Variants in TRPM4 observed in about 807,000 individuals in gnomAD.
TRPM4 encodes the protein transient receptor potential cation channel subfamily M member 4.
In TRPM4, 124 loss-of-function variants were observed where a neutral mutation model predicts 135.6. The observed-to-expected ratio is 0.91, with a 90% CI of 0.79 to 1.06. The LOEUF (loss-of-function observed/expected upper bound fraction) is 1.06. Among genes scored for constraint, TRPM4 ranks in the 50% least tolerant of loss-of-function variants. The pLI is 0.00. For missense variants in TRPM4, 1,658 were observed against 1,671.4 expected (o/e 0.99, Z 0.14); for synonymous variants, 745 against 705.6 (o/e 1.06, Z -0.88).
In TRPM4 at chr19:49,182,201, CATCT is replaced by C. The variant is rs1185296002; in HGVS notation, c.1264-375_1264-372del. ...CTATCCATTCATCCATACATCCATCCATCTACCTATCCATTCATCCATCCATCCA... is the reference window on the plus strand; with the variant it reads ...CTATCCATTCATCCATACATCCATCCACCTATCCATTCATCCATCCATCCA... On this transcript the variant is annotated intron_variant, in intron 10 of 24. Transcript: ENST00000252826. Among the ~76,000 whole-genome samples the C allele has an allele frequency of 7.1e-5, 5 of 70,518 alleles. 1 individual carries two copies. Among genetic ancestry groups the C allele is most frequent in the South Asian group, 1.1e-3 (2 of 1,774 alleles). 46.3% of individuals were successfully genotyped at this position (70,518 alleles called of 152,430 possible).
intron 9 of TRPM4, among the ~76,000 whole-genome samples, chr19:49,179,984 G>C (rs923577125): frequency 6.6e-6 from 1 of 152,176 alleles, no homozygotes; most frequent in African/African-American, 2.4e-5. Context: ...GGCTCCCAAG[G>C]TTCAATGGCT....
In TRPM4 at chr19:49,196,855, C is replaced by T. The variant is rs748564289; in HGVS notation, c.2626C>T (p.Leu876Phe). The stretch of plus-strand genomic sequence containing the variant: ...CGACCTAGTGGCTCTCACCTGCTTC[C>T]TCCTGGGCGTGGGCTGCCGGTGAGT... ...QCDLVALTCF[L>F]LGVGCRLTPG... is the part of the protein sequence containing the mutation. Residue 876 changes from leucine (L) to phenylalanine (F), a missense_variant, in exon 17 of 25, where the codon CTC becomes TTC. By Grantham distance (22) the Leu-to-Phe change is conservative. Around this residue, in one of 3 missense-constraint regions of TRPM4, gnomAD observed 1,412 missense variants for 1,408.7 expected, o/e 1.00. Transcript: ENST00000252826. 6.3e-7 allele frequency: 1 copy of T among 1,585,862 alleles called. No individual in the cohort carries two copies.
intron 20 of TRPM4, among the ~76,000 whole-genome samples, chr19:49,205,321 T>C (rs1969107552): frequency 6.6e-6 from 1 of 152,158 alleles, no homozygotes; most frequent in Non-Finnish European, 1.5e-5. Context: ...CTTTGGCTTC[T>C]AGTTGCGTCA....
At chr19:49,199,113 T>C (rs529455586) in intron 17 of TRPM4, among the ~76,000 whole-genome samples, 1 of 151,160 alleles carries the variant, frequency 6.6e-6, no homozygotes, top group South Asian at 2.1e-4. Flanking sequence ...TCAATTTAAC[T>C]GAAAAAAAAT....
intron 16 of TRPM4, among the ~76,000 whole-genome samples, chr19:49,193,229 C>T (rs537338534): frequency 7.2e-4 from 109 of 151,824 alleles, no homozygotes; most frequent in Middle Eastern, 3.4e-3. Context: ...TACAGGTGCC[C>T]GCCACCACGC....
In TRPM4 at chr19:49,196,841, C is replaced by T. The variant is rs1968672635; in HGVS notation, c.2612C>T (p.Ala871Val). The T allele has an allele frequency of 6.3e-7, 1 of 1,589,934 alleles. No homozygotes were observed. Among genetic ancestry groups the T allele is most frequent in the Non-Finnish European group, 8.5e-7 (1 of 1,175,862 alleles). ...ADSWNQCDLV[A>V]LTCFLLGVGC... Reference sequence around the variant, plus strand: ...AGCTGGAACCAGTGCGACCTAGTGGCTCTCACCTGCTTCCTCCTGGGCGTG... The same window carrying T: ...AGCTGGAACCAGTGCGACCTAGTGGTTCTCACCTGCTTCCTCCTGGGCGTG... The change falls in exon 17 of 25, where the codon GCT becomes GTT. Residue 871 changes from alanine (A) to valine (V), a missense_variant. Ala to Val is a moderately conservative substitution (Grantham distance 64). Coordinates refer to ENST00000252826, the MANE Select transcript of TRPM4 (RefSeq NM_017636.4).
intron 20 of TRPM4, among the ~76,000 whole-genome samples, chr19:49,206,091 G>A (rs1309018158): frequency 1.3e-5 from 2 of 152,064 alleles, no homozygotes; most frequent in African/African-American, 4.8e-5. Flanking sequence ...CTCCTGAGTA[G>A]CTGGGATTAC....
In TRPM4 at chr19:49,210,331, T is replaced by C. The variant is rs751601605; in HGVS notation, c.3254T>C (p.Leu1085Ser). ...CCGCCCTTTATCGTCATCTCCCACT[T>C]GCGCCTCCTGCTCAGGCAATTGTGC... ...LAPPFIVISH[L>S]RLLLRQLCRR... Residue 1085 changes from leucine to serine, a missense_variant, in exon 21 of 25, where the codon TTG (leucine) becomes TCG (serine). This residue lies in a region of TRPM4 where 1,412 missense variants were observed against 1,408.7 expected (regional missense o/e 1.00). Transcript: ENST00000252826. The surrounding 1 kb of genome is among the most constrained non-coding windows in gnomAD (Gnocchi z 4.1). The C allele has an allele frequency of 1.2e-6, 2 of 1,614,198 alleles. No individual in the cohort carries two copies. Among genetic ancestry groups the C allele is most frequent in the South Asian group, 1.1e-5 (1 of 91,090 alleles).
Position 49,182,890 on chromosome 19 carries a change from G to T in TRPM4, c.1576G>T (p.Asp526Tyr), listed in dbSNP as rs1033994974. The change falls in exon 11 of 25, where the codon GAC becomes TAC. Residue 526 changes from aspartate to tyrosine, a missense_variant. Asp to Tyr is a radical substitution (Grantham distance 160). Around this residue, in one of 3 missense-constraint regions of TRPM4, gnomAD observed 1,412 missense variants for 1,408.7 expected, o/e 1.00. Transcript: ENST00000252826. ...APRYPSGGAW[D>Y]PHPGQGFGES... is the part of the protein sequence containing the mutation. ...GAGGTACCCCTCCGGGGGCGCCTGGGACCCTCACCCAGGCCAGGGCTTCGG... is the reference window on the plus strand; with the variant it reads ...GAGGTACCCCTCCGGGGGCGCCTGGTACCCTCACCCAGGCCAGGGCTTCGG... 6.2e-7 allele frequency: 1 copy of T among 1,601,140 alleles called. No homozygotes were observed. Among genetic ancestry groups the T allele is most frequent in the Non-Finnish European group, 8.5e-7 (1 of 1,173,568 alleles).
chr19:49,164,682 TCTTGCTTGCTTGCTTGCTTG>T (rs113888558), intron 2 of TRPM4, among the ~76,000 whole-genome samples: 162 of 144,652 alleles, frequency 1.1e-3, no homozygotes, highest in Middle Eastern at 3.8e-3. Flanking sequence ...GCGCCCGGCC[TCTTGCTTGCTTGCTTGCTTG>T]CTTGCTTGCT....
chr19:49,189,195 A>G, intron 14 of TRPM4, 104 bp downstream of exon 14: 1 of 1,522,438 alleles, frequency 6.6e-7, no homozygotes. Flanking sequence ...TTGACCAGCC[A>G]CTCTCCCTGG....
At chr19:49,160,490 A>T (rs1417370568) in intron 2 of TRPM4, among the ~76,000 whole-genome samples, 2 of 151,918 alleles carry the variant, frequency 1.3e-5, no homozygotes, top group African/African-American at 4.8e-5. Context: ...TCTCAAAAAA[A>T]AAAAAAAAAA....
chr19:49,170,098 C>A (rs927271738), intron 6 of TRPM4, among the ~76,000 whole-genome samples: 1 of 152,164 alleles, frequency 6.6e-6, no homozygotes, highest in African/African-American at 2.4e-5. Flanking sequence ...AATCAATTTT[C>A]ACTTCAGTGA....
At chr19:49,207,095 G>T (rs1293316489) in intron 20 of TRPM4, among the ~76,000 whole-genome samples, 1 of 152,142 alleles carries the variant, frequency 6.6e-6, no homozygotes, top group African/African-American at 2.4e-5. Context: ...TGTGAATAGA[G>T]ATATTTTTAC....
At chr19:49,175,318 G>C (rs942508543) in intron 9 of TRPM4, among the ~76,000 whole-genome samples, 1 of 151,658 alleles carries the variant, frequency 6.6e-6, no homozygotes, top group Admixed American at 6.6e-5. Flanking sequence ...CGGGTGATCC[G>C]CCCGCCTCGG....
chr19:49,199,191 G>A (rs1968816450), intron 17 of TRPM4, among the ~76,000 whole-genome samples: 1 of 150,582 alleles, frequency 6.6e-6, no homozygotes, highest in Non-Finnish European at 1.5e-5. Flanking sequence ...TACCAGATAG[G>A]TTGGACATCT....
rs145787750 is a variant in TRPM4, at chr19:49,171,877, G to A, written c.1050+108G>A. 2,586 of 1,400,162 alleles carry A rather than the reference G, an allele frequency of 1.8e-3. 16 individuals are homozygous for A. The highest frequency in any genetic ancestry group is 2.9e-3 in the South Asian group (244 of 84,032). The allele number at this position is 1,400,162 out of a possible 1,614,324, so 86.7% of individuals were successfully genotyped here. On this transcript the variant is annotated intron_variant, in intron 8 of 24. Transcript: ENST00000252826. The surrounding 1 kb of genome is among the most constrained non-coding windows in gnomAD (Gnocchi z 4.7). ...CTGGGGGCCTGGACTTCCAGGTTCC[G>A]GGAGAAGAGGGTGCTGGGCATATAG...
chr19:49,163,176 G>A lies in TRPM4; in HGVS notation c.93-2865G>A, dbSNP rs570443753. ...TACAAGCTCCAGACTATTCCGTGAA[G>A]AGCTTTTATTTTATTATTATTATTT... is the stretch of plus-strand genomic sequence containing the variant. On this transcript the variant is annotated intron_variant, in intron 2 of 24. Transcript: ENST00000252826. Among the ~76,000 whole-genome samples the A allele has an allele frequency of 5.5e-5, 8 of 146,536 alleles. No individual in the cohort carries two copies. The East Asian group carries it at 1.6e-3, about 29-fold the overall frequency.
At chr19:49,207,958 G>A (rs1969210680) in intron 20 of TRPM4, among the ~76,000 whole-genome samples, 1 of 152,072 alleles carries the variant, frequency 6.6e-6, no homozygotes, top group Admixed American at 6.6e-5. Context: ...AAAGCAAAAG[G>A]GGCAGGGTAA....
Sources: gnomAD v4.1 joint callset for allele counts (sites outside exome capture counted in the v4.1 genomes callset) on GRCh38, gnomAD v4.1.1 for gene constraint, gnomAD v4.1.1 regional missense constraint, Gnocchi (gnomAD v3.1) non-coding constraint, MANE v1.5 for transcripts, NCBI Gene and HGNC (gene_info 2026-07-23, HGNC 2026-07-21) for gene names.